The following TTC28 variants were observed in gnomAD, a reference collection of about 807,000 sequenced individuals.
The protein encoded by TTC28 is tetratricopeptide repeat protein 28.
In TTC28, 61 loss-of-function variants were observed where a neutral mutation model predicts 198.0. That is an observed-to-expected ratio of 0.31 (90% CI 0.25 to 0.38). The LOEUF (loss-of-function observed/expected upper bound fraction) is 0.38, where lower values mean the gene tolerates loss of function less well. Among genes scored for constraint, TTC28 ranks in the 10% least tolerant of loss-of-function variants. TTC28 has a pLI of 1.00. For missense variants in TTC28, 2,678 were observed against 3,164.0 expected (o/e 0.85, Z 3.69); for synonymous variants, 1,171 against 1,297.8 (o/e 0.90, Z 2.10).
chr22:28,306,932 A>C (rs1238596385), intron 2 of TTC28, among the ~76,000 whole-genome samples: 1 of 152,192 alleles, frequency 6.6e-6, no homozygotes, highest in East Asian at 1.9e-4. Flanking sequence ...AGTATTTTAA[A>C]AATATTTCTT....
intron 2 of TTC28, among the ~76,000 whole-genome samples, chr22:28,602,582 CATG>C (rs2050656958): frequency 6.6e-6 from 1 of 152,030 alleles, no homozygotes; most frequent in South Asian, 2.1e-4. Flanking sequence ...ATAGGACAAA[CATG>C]ATAAAATGTT....
chr22:28,473,621 C>T (rs919785969), intron 2 of TTC28, among the ~76,000 whole-genome samples: 5 of 152,188 alleles, frequency 3.3e-5, no homozygotes, highest in African/African-American at 1.2e-4. Context: ...ACTTGGGAAA[C>T]ACTGCCTATG....
intron 6 of TTC28, among the ~76,000 whole-genome samples, chr22:28,129,008 G>A (rs1358987115): frequency 6.6e-6 from 1 of 152,134 alleles, no homozygotes; most frequent in African/African-American, 2.4e-5. Flanking sequence ...TGCAAAAGAT[G>A]CCTAACTGCC....
intron 22 of TTC28, among the ~76,000 whole-genome samples, chr22:27,984,803 C>G (rs1191305672): frequency 6.6e-6 from 1 of 152,238 alleles, no homozygotes. Flanking sequence ...CACCTGCAAA[C>G]CATAACCACC....
At chr22:28,308,695 C>T (rs960410722) in intron 2 of TTC28, among the ~76,000 whole-genome samples, 39 of 152,132 alleles carry the variant, frequency 2.6e-4, no homozygotes, top group African/African-American at 8.4e-4. Flanking sequence ...TTTCTTAGAA[C>T]GCTTACAAAT....
chr22:28,609,258 A>G (rs4615019), intron 2 of TTC28, among the ~76,000 whole-genome samples: 5,759 of 152,366 alleles, frequency 0.038, 209 homozygotes, highest in East Asian at 0.17. Context: ...GAATTAAAAA[A>G]TACATAATAA....
At chr22:28,168,836 C>CT (rs1348967298) in intron 5 of TTC28, among the ~76,000 whole-genome samples, 1 of 152,134 alleles carries the variant, frequency 6.6e-6, no homozygotes, top group Non-Finnish European at 1.5e-5. Flanking sequence ...TCTAATTAAA[C>CT]TAAAGAGCTT....
intron 2 of TTC28, among the ~76,000 whole-genome samples, chr22:28,466,820 T>TAC (rs58512456): frequency 0.14 from 19,597 of 143,710 alleles, 1,328 homozygotes; most frequent in South Asian, 0.24. Context: ...TATACATACA[T>TAC]ACACACACAC....
chr22:28,228,750 A>G (rs2147222421), intron 5 of TTC28, among the ~76,000 whole-genome samples: 1 of 152,260 alleles, frequency 6.6e-6, no homozygotes, highest in South Asian at 2.1e-4. Flanking sequence ...ACTTCACTCA[A>G]GATCTGAGGA....
At chr22:28,220,393 G>A (rs745948375) in intron 5 of TTC28, among the ~76,000 whole-genome samples, 24 of 152,360 alleles carry the variant, frequency 1.6e-4, no homozygotes, top group Non-Finnish European at 2.8e-4. Flanking sequence ...CTGCAAGGCT[G>A]CAATCATGGT....
At chr22:28,512,448 C>A (rs1238120002) in intron 2 of TTC28, among the ~76,000 whole-genome samples, 13 of 152,098 alleles carry the variant, frequency 8.5e-5, no homozygotes, top group African/African-American at 2.9e-4. Context: ...GGAATATAAA[C>A]CATTCTATTA....
chr22:27,993,101 T>G (rs1937475425), intron 18 of TTC28, 186 bp downstream of exon 18: 1 of 617,090 alleles, frequency 1.6e-6, no homozygotes. Flanking sequence ...AAACAGCAGG[T>G]AAATGGCACT....
chr22:28,387,253 T>G (rs140419360), intron 2 of TTC28, among the ~76,000 whole-genome samples: 16 of 152,362 alleles, frequency 1.1e-4, no homozygotes, highest in Non-Finnish European at 2.1e-4. Flanking sequence ...TCGTTGGACA[T>G]TTGGGTTGGT....
intron 2 of TTC28, among the ~76,000 whole-genome samples, chr22:28,442,426 C>A (rs1019530829): frequency 6.6e-6 from 1 of 152,210 alleles, no homozygotes; most frequent in African/African-American, 2.4e-5. Context: ...CCCAGCGGGG[C>A]CCTGGGGAAA....
At chr22:28,546,856 A>C (rs1259041212) in intron 2 of TTC28, among the ~76,000 whole-genome samples, 1 of 152,232 alleles carries the variant, frequency 6.6e-6, no homozygotes, top group Admixed American at 6.5e-5. Flanking sequence ...CACAATGAGC[A>C]AAAGAAGCCA....
chr22:28,111,481 A>G (rs1372499044), intron 6 of TTC28, among the ~76,000 whole-genome samples: 1 of 152,220 alleles, frequency 6.6e-6, no homozygotes, highest in Non-Finnish European at 1.5e-5. Flanking sequence ...ACTTTTATCT[A>G]AAGAGAAAAA....
chr22:28,539,077 C>T (rs909667960), intron 2 of TTC28, among the ~76,000 whole-genome samples: 1 of 152,004 alleles, frequency 6.6e-6, no homozygotes, highest in African/African-American at 2.4e-5. Flanking sequence ...GTTGACAGGC[C>T]CAGACTTCAG....
intron 5 of TTC28, among the ~76,000 whole-genome samples, chr22:28,206,011 G>C (rs1034311695): frequency 2.3e-4 from 35 of 150,494 alleles, no homozygotes; most frequent in Non-Finnish European, 4.4e-4. Flanking sequence ...AAAAAAAGGA[G>C]ACATTATTGA....
intron 6 of TTC28, among the ~76,000 whole-genome samples, chr22:28,146,478 G>A (rs149176896): frequency 1.6e-3 from 242 of 152,308 alleles, no homozygotes; most frequent in African/African-American, 5.4e-3. Context: ...ATGCCAGCTC[G>A]CCGGATGGTG....
Sources: allele counts gnomAD v4.1 joint callset (sites outside exome capture counted in the v4.1 genomes callset), GRCh38; gene constraint gnomAD v4.1.1; transcripts MANE v1.5; gene names NCBI Gene and HGNC (gene_info 2026-07-23, HGNC 2026-07-21).